The following GPC5 variants were observed in gnomAD, a reference collection of about 807,000 sequenced individuals.
GPC5 encodes glypican-5.
GPC5 carries 47 observed loss-of-function variants against 53.9 expected under a neutral mutation model. The observed-to-expected ratio is 0.87, with a 90% CI of 0.69 to 1.11. The LOEUF (loss-of-function observed/expected upper bound fraction) is 1.11. GPC5 is among the 50% of genes most tolerant of loss of function. The probability of loss-of-function intolerance (pLI) is 0.00; values close to 1 mark genes in which losing one functional copy is unlikely to be tolerated. For synonymous variants in GPC5, 286 were observed against 263.3 expected (o/e 1.09, Z -0.84); for missense variants, 748 against 713.1 (o/e 1.05, Z -0.56).
At chr13:91,907,457 C>G (rs1293999042) in intron 5 of GPC5, among the ~76,000 whole-genome samples, 2 of 138,656 alleles carry the variant, frequency 1.4e-5, no homozygotes, top group Non-Finnish European at 3.1e-5. Flanking sequence ...GTATATACTA[C>G]TATATAATAT....
At chr13:92,551,406 G>T (rs1385943782) in intron 7 of GPC5, among the ~76,000 whole-genome samples, 1 of 150,366 alleles carries the variant, frequency 6.7e-6, no homozygotes, top group African/African-American at 2.4e-5. Flanking sequence ...ATTTTCAAAG[G>T]AAAAAAAAAA....
rs528408656 is a variant in GPC5 at position 91,965,224 on chromosome 13, A to C, written c.1401+57167A>C. Among the ~76,000 whole-genome samples, 321 of 152,294 alleles carry C rather than the reference A, an allele frequency of 2.1e-3. 2 individuals carry two copies. Among genetic ancestry groups the C allele is most frequent in the African/African-American group, 6.9e-3 (286 of 41,576 alleles). ...TTGTACACATGTACCCAGAACTTAA[A>C]GTATAATAATATAAAAAAGCACCTA... On this transcript the variant is annotated intron_variant, in intron 6 of 7. Transcript: ENST00000377067.
At chr13:92,506,822 G>A (rs760724889) in intron 7 of GPC5, among the ~76,000 whole-genome samples, 9 of 152,116 alleles carry the variant, frequency 5.9e-5, no homozygotes, top group Non-Finnish European at 5.9e-5. Flanking sequence ...TCGCAGGCTC[G>A]ATTAAAATTT....
At chr13:91,509,955 T>G (rs1885150638) in intron 2 of GPC5, among the ~76,000 whole-genome samples, 1 of 152,194 alleles carries the variant, frequency 6.6e-6, no homozygotes, top group South Asian at 2.1e-4. Context: ...GGTTTGTCAT[T>G]ATCACTTGTA....
chr13:91,553,474 G>A (rs1209068405), intron 2 of GPC5, among the ~76,000 whole-genome samples: 1 of 151,988 alleles, frequency 6.6e-6, no homozygotes, highest in African/African-American at 2.4e-5. Context: ...TGTGCATTTA[G>A]GAATAAAAAT....
At chr13:91,659,654 A>C (rs1256746579) in intron 2 of GPC5, among the ~76,000 whole-genome samples, 2 of 152,244 alleles carry the variant, frequency 1.3e-5, no homozygotes, top group African/African-American at 4.8e-5. Flanking sequence ...TTTATACTTA[A>C]GATCCAAAAC....
intron 5 of GPC5, among the ~76,000 whole-genome samples, chr13:91,871,413 G>T (rs2039142636): frequency 6.6e-6 from 1 of 151,964 alleles, no homozygotes; most frequent in Non-Finnish European, 1.5e-5. Context: ...TGGGCTTAAT[G>T]CCTCGGTGAT....
intron 6 of GPC5, among the ~76,000 whole-genome samples, chr13:91,936,474 C>T (rs2039872213): frequency 6.6e-6 from 1 of 151,948 alleles, no homozygotes. Flanking sequence ...TTTTGATGAC[C>T]ACAAAGCATC....
chr13:92,506,815 C>T (rs896864518), intron 7 of GPC5, among the ~76,000 whole-genome samples: 4 of 152,106 alleles, frequency 2.6e-5, no homozygotes, highest in South Asian at 2.1e-4. Context: ...TAGCCTGTCG[C>T]AGGCTCGATT....
chr13:92,473,375 G>C (rs142091622), intron 7 of GPC5, among the ~76,000 whole-genome samples: 1 of 152,054 alleles, frequency 6.6e-6, no homozygotes, highest in Non-Finnish European at 1.5e-5. Context: ...TTGAAGTCTT[G>C]TACCAGGCAG....
intron 7 of GPC5, among the ~76,000 whole-genome samples, chr13:92,248,385 C>A (rs1378167258): frequency 6.6e-6 from 1 of 151,986 alleles, no homozygotes; most frequent in Non-Finnish European, 1.5e-5. Context: ...AAGAACCTAG[C>A]CACAGGAGTT....
At chr13:91,791,714 T>C (rs1388733597) in intron 5 of GPC5, among the ~76,000 whole-genome samples, 1 of 150,074 alleles carries the variant, frequency 6.7e-6, no homozygotes, top group Non-Finnish European at 1.5e-5. Context: ...AAATACTCTC[T>C]TCCACTACTA....
chr13:92,511,035 A>G lies in GPC5; in HGVS notation c.1562-355247A>G, dbSNP rs527628085. On this transcript the variant is annotated intron_variant, in intron 7 of 7. Transcript: ENST00000377067. ...ATGATTTTAATTAAAACCTTTGTTA[A>G]TATCTAGATTGGTATCTTATAAAGA... 3.3e-5 allele frequency among the ~76,000 whole-genome samples: 5 copies of G among 152,336 alleles called. 1 individual carries two copies. In the East Asian group the frequency reaches 9.6e-4, roughly 29 times the overall value.
chr13:92,658,190 G>T (rs1886204388), intron 7 of GPC5, among the ~76,000 whole-genome samples: 1 of 151,768 alleles, frequency 6.6e-6, no homozygotes, highest in African/African-American at 2.4e-5. Flanking sequence ...TAATTATATG[G>T]GCTAGCTTCC....
Position 91,901,478 on chromosome 13 carries a change from G to T in GPC5, c.1281-6459G>T, listed in dbSNP as rs183804428. Among the ~76,000 whole-genome samples, 507 of 152,090 alleles carry T rather than the reference G, an allele frequency of 3.3e-3. 2 individuals are homozygous for T. The highest frequency in any genetic ancestry group is 0.012 in the African/African-American group (490 of 41,540). On this transcript the variant is annotated intron_variant, in intron 5 of 7. Coordinates refer to ENST00000377067, the MANE Select transcript of GPC5 (RefSeq NM_004466.6). ...ATCATATAACTCTTTTCCATTCTGAGATTTCAAAGATTAGGACTTTCAACA... is the reference window on the plus strand; with the variant it reads ...ATCATATAACTCTTTTCCATTCTGATATTTCAAAGATTAGGACTTTCAACA...
At position 92,527,243 on chromosome 13, in the gene GPC5, AAGAAAGAGAAAGAAAGAAAG is replaced by A. The variant is rs1369828788; in HGVS notation, c.1562-339037_1562-339018del. On this transcript the variant is annotated intron_variant, in intron 7 of 7. Transcript: ENST00000377067. ...AAAGAAAGAAAGAAAGAAAGAAAGA[AAGAAAGAGAAAGAAAGAAAG>A]AAAGAAAGAAAGAAAGAAAAAGATC... Among the ~76,000 whole-genome samples the A allele has an allele frequency of 9.0e-3, 328 of 36,636 alleles. 18 individuals carry two copies. Among genetic ancestry groups the A allele is most frequent in the African/African-American group, 0.041 (298 of 7,208 alleles). 24.0% of individuals were successfully genotyped at this position (36,636 alleles called of 152,430 possible). A position where few individuals can be genotyped will look rare whatever the true frequency, so the allele number is the denominator to read the frequency against.
At position 92,752,675 on chromosome 13, in the gene GPC5, G is replaced by A. The variant is rs915069026; in HGVS notation, c.1562-113607G>A. 3.3e-5 allele frequency among the ~76,000 whole-genome samples: 5 copies of A among 152,146 alleles called. No individual in the cohort carries two copies. The South Asian group carries it at 6.2e-4, about 19-fold the overall frequency. On this transcript the variant is annotated intron_variant, in intron 7 of 7. Coordinates refer to ENST00000377067, the MANE Select transcript of GPC5 (RefSeq NM_004466.6). ...AGCAGGGTGAGGCATTGCCTCATTC[G>A]GGAAGCGCAAGGGGTCAGGGAGTTC...
chr13:91,986,061 CT>C (rs779259362), intron 6 of GPC5, among the ~76,000 whole-genome samples: 2,359 of 95,242 alleles, frequency 0.025, 11 homozygotes, highest in African/African-American at 0.089. Flanking sequence ...TTAGCCAATA[CT>C]TTTTTTTTTT....
intron 7 of GPC5, among the ~76,000 whole-genome samples, chr13:92,650,106 T>A (rs1450166960): frequency 6.6e-6 from 1 of 152,152 alleles, no homozygotes; most frequent in Non-Finnish European, 1.5e-5. Flanking sequence ...ATCATAGATT[T>A]TACTTACATC....
Sources: allele counts gnomAD v4.1 joint callset (sites outside exome capture counted in the v4.1 genomes callset), GRCh38; gene constraint gnomAD v4.1.1; transcripts MANE v1.5; gene names NCBI Gene and HGNC (gene_info 2026-07-23, HGNC 2026-07-21).